SEMA3D: variants seen among roughly 807,000 people sequenced by gnomAD.
SEMA3D encodes the protein semaphorin 3D, also known as semaphorin-3D.
SEMA3D carries 84 observed loss-of-function variants against 100.1 expected under a neutral mutation model. The ratio of observed to expected loss-of-function variants is 0.84; its 90% CI spans 0.70 to 1.01. The LOEUF (loss-of-function observed/expected upper bound fraction) is 1.01. Among genes scored for constraint, SEMA3D ranks in the 50% least tolerant of loss-of-function variants. SEMA3D has a pLI of 0.00. For synonymous variants in SEMA3D, 312 were observed against 320.7 expected, an observed-to-expected ratio of 0.97 and a Z score of 0.29; for missense variants, 875 against 934.1, an observed-to-expected ratio of 0.94 and a Z score of 0.82.
chr7:85,221,473 C>G, the SEMA3D span, among the ~76,000 whole-genome samples: 8 of 152,060 alleles, frequency 5.3e-5, no homozygotes, highest in Admixed American at 5.3e-4. Flanking sequence ...GTGTCAAACA[C>G]TGTGTTCCTG....
chr7:85,170,655 T>C (rs1468062566), intron 1 of SEMA3D, among the ~76,000 whole-genome samples: 1 of 152,012 alleles, frequency 6.6e-6, no homozygotes, highest in Non-Finnish European at 1.5e-5. Flanking sequence ...CTCATTACCA[T>C]TGCAATAGTC....
At chr7:85,092,465 A>C (rs1415484957) in intron 4 of SEMA3D, among the ~76,000 whole-genome samples, 2 of 152,020 alleles carry the variant, frequency 1.3e-5, no homozygotes, top group Admixed American at 6.6e-5. Flanking sequence ...TCACTTATAA[A>C]GTATCCCAAG....
In SEMA3D at chr7:85,040,716, C is replaced by G. The variant is rs1158376231; in HGVS notation, c.1003G>C (p.Asp335His). 2.7e-6 allele frequency: 4 copies of G among 1,466,724 alleles called. No individual in the cohort carries two copies. The highest frequency in any genetic ancestry group is 2.9e-6 in the Non-Finnish European group (3 of 1,048,538). The allele number at this position is 1,466,724 out of a possible 1,614,324, so 90.9% of individuals were successfully genotyped here. Reference sequence around the variant, plus strand: ...CCATATACTACAGGATTTCTTTCATCTCTTGTGGGGAGTAAATAAATATCT... The same window carrying G: ...CCATATACTACAGGATTTCTTTCATGTCTTGTGGGGAGTAAATAAATATCT... Reference protein sequence around the residue: ...LQDIYLLPTRDERNPVVYGVF... With the variant: ...LQDIYLLPTRHERNPVVYGVF... The change falls in exon 11 of 19, where the codon GAT (aspartate) becomes CAT (histidine). Residue 335 changes from aspartate to histidine, a missense_variant. Asp to His is a moderately conservative substitution (Grantham distance 81, BLOSUM62 -1). Coordinates refer to ENST00000284136, the MANE Select transcript of SEMA3D (RefSeq NM_001384900.1).
At position 85,055,806 on chromosome 7, in the gene SEMA3D, C is replaced by T; in HGVS notation, c.772G>A (p.Asp258Asn). 2 of 1,574,764 alleles carry T rather than the reference C, an allele frequency of 1.3e-6. No individual in the cohort carries two copies. Among genetic ancestry groups the T allele is most frequent in the South Asian group, 2.2e-5 (2 of 88,948 alleles). The part of the protein sequence containing the change: ...FIPDTYNPDD[D>N]KIYFFFRESS... ...TCACGAAAGAAGAAATATATTTTAT[C>T]ATCATCTGGATTGTAGGTGTCTGGT... The change falls in exon 9 of 19, where the codon GAT (aspartate) becomes AAT (asparagine). Residue 258 changes from aspartate (D) to asparagine (N), a missense_variant. Asp to Asn is a conservative substitution (Grantham distance 23). Coordinates refer to ENST00000284136, the MANE Select transcript of SEMA3D (RefSeq NM_001384900.1).
At chr7:85,226,321 A>G in the SEMA3D span, among the ~76,000 whole-genome samples, 1 of 152,166 alleles carries the variant, frequency 6.6e-6, no homozygotes, top group Admixed American at 6.5e-5. Context: ...ACAAAATAAA[A>G]TTGCAACTTC....
chr7:85,244,708 C>CTTT, the SEMA3D span, among the ~76,000 whole-genome samples: 9 of 121,876 alleles, frequency 7.4e-5, no homozygotes, highest in African/African-American at 1.2e-4. Context: ...ACTGCACAAT[C>CTTT]TTTTTTTTTT....
chr7:84,997,535 T>A lies in SEMA3D; in HGVS notation c.*1905A>T, dbSNP rs919871487. 2.6e-5 allele frequency: 4 copies of A among 152,120 alleles called. No homozygotes were observed. The highest frequency in any genetic ancestry group is 4.4e-5 in the Non-Finnish European group (3 of 67,982). 9.4% of individuals were successfully genotyped at this position (152,120 alleles called of 1,614,324 possible). A position where few individuals can be genotyped will look rare whatever the true frequency, so the allele number is the denominator to read the frequency against. On this transcript the variant is annotated 3_prime_UTR_variant, in exon 19 of 19. Transcript: ENST00000284136. ...TAGCTGTTCCTTATAGTGAAACACC[T>A]ACAAATATTCATCAGTATAATATCA...
the SEMA3D span, among the ~76,000 whole-genome samples, chr7:85,224,330 C>T: frequency 6.6e-6 from 1 of 152,166 alleles, no homozygotes; most frequent in Non-Finnish European, 1.5e-5. Flanking sequence ...TCTTGAAGTC[C>T]TGAGGCCAAC....
the SEMA3D span, among the ~76,000 whole-genome samples, chr7:85,207,580 C>T: frequency 6.6e-6 from 1 of 151,850 alleles, no homozygotes; most frequent in Non-Finnish European, 1.5e-5. Context: ...AAGTTAAGAC[C>T]TGGGTGAAAA....
At chr7:85,065,579 A>T (rs369002842) in intron 7 of SEMA3D, 27 bp from the exon 8 acceptor site, 23 of 1,600,254 alleles carry the variant, frequency 1.4e-5, no homozygotes, top group Non-Finnish European at 1.9e-5. Context: ...AGTACACAGA[A>T]CTTTTAAGAG....
At chr7:85,217,619 GC>G in the SEMA3D span, among the ~76,000 whole-genome samples, 1 of 152,094 alleles carries the variant, frequency 6.6e-6, no homozygotes, top group South Asian at 2.1e-4. Flanking sequence ...GTAGATAAGG[GC>G]CCTTTTGTTG....
At chr7:85,045,464 C>T (rs1346146674) in intron 9 of SEMA3D, among the ~76,000 whole-genome samples, 4 of 151,764 alleles carry the variant, frequency 2.6e-5, no homozygotes, top group Non-Finnish European at 4.4e-5. Context: ...AAAAGCCTGT[C>T]GGTAATTGCT....
At chr7:85,120,860 C>T (rs1387286565) in intron 3 of SEMA3D, among the ~76,000 whole-genome samples, 2 of 152,024 alleles carry the variant, frequency 1.3e-5, no homozygotes, top group African/African-American at 2.4e-5. Flanking sequence ...CTCTTTAATA[C>T]ATGACATATA....
intron 12 of SEMA3D, among the ~76,000 whole-genome samples, chr7:85,030,738 T>C (rs1790525318): frequency 6.6e-6 from 1 of 152,034 alleles, no homozygotes; most frequent in Non-Finnish European, 1.5e-5. Context: ...GTACATCAGT[T>C]ATAAAAAACC....
chr7:85,047,018 A>T (rs987248664), intron 9 of SEMA3D, among the ~76,000 whole-genome samples: 5 of 151,974 alleles, frequency 3.3e-5, no homozygotes, highest in African/African-American at 1.2e-4. Flanking sequence ...ACAAAGATGC[A>T]GATGAAAGTA....
At chr7:85,052,303 C>A (rs1009277270) in intron 9 of SEMA3D, among the ~76,000 whole-genome samples, 3 of 151,888 alleles carry the variant, frequency 2.0e-5, no homozygotes, top group Non-Finnish European at 4.4e-5. Flanking sequence ...TATAATCCCT[C>A]ATTGACTACA....
the SEMA3D span, among the ~76,000 whole-genome samples, chr7:85,221,012 T>G: frequency 6.6e-6 from 1 of 152,072 alleles, no homozygotes; most frequent in African/African-American, 2.4e-5. Context: ...ATAACAGTGA[T>G]GAGGGAGTCC....
rs1328698226 is a variant in SEMA3D at position 85,151,876 on chromosome 7, A to G, written c.-41+1732T>C. 1.2e-5 allele frequency: 3 copies of G among 243,260 alleles called. No homozygotes were observed. The Admixed American group carries it at 2.0e-4, about 16-fold the overall frequency. 15.1% of individuals were successfully genotyped at this position (243,260 alleles called of 1,614,324 possible). A position where few individuals can be genotyped will look rare whatever the true frequency, so the allele number is the denominator to read the frequency against. ...ACCTTACTTTGATAAAAATAATGAAAAAGTCCACAAAACTTTTTTGCAAAG... is the reference window on the plus strand; with the variant it reads ...ACCTTACTTTGATAAAAATAATGAAGAAGTCCACAAAACTTTTTTGCAAAG... On this transcript the variant is annotated intron_variant, in intron 2 of 18. Coordinates refer to ENST00000284136, the MANE Select transcript of SEMA3D (RefSeq NM_001384900.1).
chr7:85,182,494 T>C (rs1791435307), intron 1 of SEMA3D, among the ~76,000 whole-genome samples: 1 of 152,156 alleles, frequency 6.6e-6, no homozygotes, highest in African/African-American at 2.4e-5. Flanking sequence ...TTGAACAACA[T>C]GAAGGTATAA....
Sources: gnomAD v4.1 joint callset for allele counts (sites outside exome capture counted in the v4.1 genomes callset) on GRCh38, gnomAD v4.1.1 for gene constraint, MANE v1.5 for transcripts, NCBI Gene and HGNC (gene_info 2026-07-23, HGNC 2026-07-21) for gene names.